The following HSD17B12 variants were observed in gnomAD, a reference collection of about 807,000 sequenced individuals.
HSD17B12 encodes very-long-chain 3-oxoacyl-CoA reductase.
HSD17B12 carries 32 observed loss-of-function variants against 39.3 expected under a neutral mutation model. That is an observed-to-expected ratio of 0.81 (90% CI 0.61 to 1.09). HSD17B12 has a LOEUF of 1.09. Among genes scored for constraint, HSD17B12 ranks in the 50% least tolerant of loss-of-function variants. HSD17B12 has a pLI of 0.00. For synonymous variants in HSD17B12, 150 were observed against 146.7 expected (o/e 1.02, Z -0.16); for missense variants, 342 against 382.9 (o/e 0.89, Z 0.89).
At chr11:43,670,744 G>T in the HSD17B12 span, among the ~76,000 whole-genome samples, 1 of 152,116 alleles carries the variant, frequency 6.6e-6, no homozygotes, top group South Asian at 2.1e-4. Context: ...TATTAGCTGG[G>T]TGTGGTGCTG....
At chr11:43,757,186 A>G (rs1950513957) in intron 3 of HSD17B12, among the ~76,000 whole-genome samples, 1 of 152,188 alleles carries the variant, frequency 6.6e-6, no homozygotes, top group Non-Finnish European at 1.5e-5. Context: ...ATTGTCAAAG[A>G]CAGACTAACT....
At chr11:43,633,361 G>A in the HSD17B12 span, among the ~76,000 whole-genome samples, 15 of 151,348 alleles carry the variant, frequency 9.9e-5, no homozygotes, top group African/African-American at 3.2e-4. Context: ...CTGAAACCTC[G>A]TCTCTACTAA....
the HSD17B12 span, among the ~76,000 whole-genome samples, chr11:43,606,104 T>C: frequency 6.6e-6 from 1 of 152,208 alleles, no homozygotes; most frequent in Non-Finnish European, 1.5e-5. Flanking sequence ...CCTAAAATAT[T>C]CAAGGTAGAA....
chr11:43,799,873 A>G (rs1219415969), intron 4 of HSD17B12, among the ~76,000 whole-genome samples: 1 of 152,138 alleles, frequency 6.6e-6, no homozygotes, highest in Non-Finnish European at 1.5e-5. Flanking sequence ...TTCACATGCT[A>G]TCCTTTCCCA....
chr11:43,593,261 A>C, the HSD17B12 span, among the ~76,000 whole-genome samples: 97 of 152,326 alleles, frequency 6.4e-4, no homozygotes, highest in Non-Finnish European at 1.2e-3. Context: ...AGGGCGTTAG[A>C]AGATATGATT....
At chr11:43,576,162 T>C in the HSD17B12 span, among the ~76,000 whole-genome samples, 1,138 of 152,146 alleles carry the variant, frequency 7.5e-3, 5 homozygotes, top group South Asian at 0.021. Flanking sequence ...TGCGAGGAGC[T>C]TGCAACAGGC....
intron 1 of HSD17B12, among the ~76,000 whole-genome samples, chr11:43,690,394 A>ATT (rs1565049772): frequency 4.7e-4 from 11 of 23,562 alleles, no homozygotes; most frequent in Non-Finnish European, 5.5e-4. Context: ...ATATATATAT[A>ATT]TATATATATA....
chr11:43,653,607 GTTC>G, the HSD17B12 span, among the ~76,000 whole-genome samples: 1 of 151,986 alleles, frequency 6.6e-6, no homozygotes, highest in Non-Finnish European at 1.5e-5. Context: ...GTGTCCATGT[GTTC>G]TTATTGTTCT....
the HSD17B12 span, among the ~76,000 whole-genome samples, chr11:43,669,765 T>C: frequency 2.6e-5 from 4 of 152,228 alleles, no homozygotes; most frequent in South Asian, 4.1e-4. Context: ...AAACAGACAT[T>C]GGGTTTAGGG....
the HSD17B12 span, among the ~76,000 whole-genome samples, chr11:43,630,606 G>T: frequency 3.5e-4 from 54 of 152,186 alleles, 1 homozygote; most frequent in South Asian, 9.1e-3. Context: ...GTGGAGGAAG[G>T]TTGGATATTC....
intron 4 of HSD17B12, among the ~76,000 whole-genome samples, chr11:43,810,169 C>CT (rs1951056488): frequency 6.6e-6 from 1 of 152,052 alleles, no homozygotes; most frequent in Admixed American, 6.6e-5. Context: ...TTGCTCCTCT[C>CT]TCACGCCTAA....
At chr11:43,641,657 T>G in the HSD17B12 span, among the ~76,000 whole-genome samples, 1,622 of 152,086 alleles carry the variant, frequency 0.011, 26 homozygotes, top group African/African-American at 0.037. Context: ...TGAACTCTTT[T>G]CAGTGTTTGG....
chr11:43,777,681 T>C (rs1359286241), intron 3 of HSD17B12, among the ~76,000 whole-genome samples: 1 of 152,230 alleles, frequency 6.6e-6, no homozygotes, highest in Non-Finnish European at 1.5e-5. Context: ...CCCTGTCTTG[T>C]GCCAGTTTTC....
At chr11:43,605,429 C>T in the HSD17B12 span, among the ~76,000 whole-genome samples, 2 of 152,040 alleles carry the variant, frequency 1.3e-5, no homozygotes, top group African/African-American at 4.8e-5. Context: ...TGTGTGGTGG[C>T]ATATGACTGT....
chr11:43,578,893 G>T, the HSD17B12 span: 3 of 152,104 alleles, frequency 2.0e-5, no homozygotes, highest in African/African-American at 4.8e-5. Flanking sequence ...CCCCGAACTG[G>T]ATCCTATTAA....
At chr11:43,605,536 G>T in the HSD17B12 span, among the ~76,000 whole-genome samples, 1 of 150,524 alleles carries the variant, frequency 6.6e-6, no homozygotes, top group Non-Finnish European at 1.5e-5. Context: ...ACTCCAGCCT[G>T]GGCAACAAGA....
the HSD17B12 span, among the ~76,000 whole-genome samples, chr11:43,608,218 T>C: frequency 6.6e-6 from 1 of 151,852 alleles, no homozygotes; most frequent in African/African-American, 2.4e-5. Flanking sequence ...GACAAAAAAT[T>C]AGTCAGGTGT....
At chr11:43,565,254 C>T in the HSD17B12 span, among the ~76,000 whole-genome samples, 1 of 152,126 alleles carries the variant, frequency 6.6e-6, no homozygotes, top group African/African-American at 2.4e-5. Flanking sequence ...GTGGCGCCTT[C>T]ACGTTTTCTC....
the HSD17B12 span, chr11:43,556,995 T>C: frequency 6.6e-6 from 1 of 152,114 alleles, no homozygotes; most frequent in African/African-American, 2.4e-5. Flanking sequence ...TGTGTTTGGC[T>C]TTTGCAAAGT....
Sources: allele counts gnomAD v4.1 joint callset (sites outside exome capture counted in the v4.1 genomes callset), GRCh38; gene constraint gnomAD v4.1.1; transcripts MANE v1.5; gene names NCBI Gene and HGNC (gene_info 2026-07-23, HGNC 2026-07-21).